The following GABRG3 variants were observed in gnomAD, a reference collection of about 807,000 sequenced individuals.
GABRG3 encodes the protein gamma-aminobutyric acid receptor subunit gamma-3.
GABRG3 carries 25 observed loss-of-function variants against 48.8 expected under a neutral mutation model. The ratio of observed to expected loss-of-function variants is 0.51; its 90% CI spans 0.37 to 0.72. The LOEUF (loss-of-function observed/expected upper bound fraction) is 0.72, where lower values mean the gene tolerates loss of function less well. GABRG3 is among the 30% of genes least tolerant of loss of function. The probability of loss-of-function intolerance (pLI) is 0.00; values close to 1 mark genes in which losing one functional copy is unlikely to be tolerated. For synonymous variants in GABRG3, 227 were observed against 217.6 expected, an observed-to-expected ratio of 1.04 and a Z score of -0.38; for missense variants, 394 against 577.9, an observed-to-expected ratio of 0.68 and a Z score of 3.26.
At position 27,181,263 on chromosome 15, in the gene GABRG3, A is replaced by G. The variant is rs1361238505; in HGVS notation, c.271-145546A>G. Among the ~76,000 whole-genome samples, 4 of 152,190 alleles carry G rather than the reference A, an allele frequency of 2.6e-5. No homozygotes were observed. The East Asian group carries it at 5.8e-4, about 22-fold the overall frequency. On this transcript the variant is annotated intron_variant, in intron 3 of 9. Transcript: ENST00000615808. ...ATCAATACTCCCCAGGCTGTCTCTC[A>G]TCAAACCCCAAAGTCCTTCATTCTA...
chr15:27,486,107 G>C (rs1890213004), intron 6 of GABRG3, among the ~76,000 whole-genome samples: 1 of 152,132 alleles, frequency 6.6e-6, no homozygotes, highest in Admixed American at 6.5e-5. Context: ...TTTGCAGTGG[G>C]CATACTTATG....
intron 3 of GABRG3, among the ~76,000 whole-genome samples, chr15:27,088,278 C>T (rs1460759361): frequency 6.8e-6 from 1 of 147,260 alleles, no homozygotes; most frequent in Non-Finnish European, 1.5e-5. Context: ...CGGGGGCGGG[C>T]GCGGGCCAGG....
At chr15:26,987,609 C>A (rs892760757) in intron 2 of GABRG3, among the ~76,000 whole-genome samples, 2 of 152,146 alleles carry the variant, frequency 1.3e-5, no homozygotes, top group African/African-American at 4.8e-5. Context: ...TCAGAACCGC[C>A]GGAAGAGCTG....
intron 7 of GABRG3, among the ~76,000 whole-genome samples, chr15:27,523,252 A>G (rs1891198960): frequency 6.6e-6 from 1 of 151,864 alleles, no homozygotes; most frequent in Non-Finnish European, 1.5e-5. Flanking sequence ...ATTTCATGTT[A>G]TTAGATAAAA....
chr15:27,411,571 T>A (rs1887799334), intron 5 of GABRG3, among the ~76,000 whole-genome samples: 1 of 152,254 alleles, frequency 6.6e-6, no homozygotes, highest in African/African-American at 2.4e-5. Context: ...AAGTTCTGAA[T>A]AATTTGATTT....
intron 2 of GABRG3, among the ~76,000 whole-genome samples, chr15:27,016,240 C>A (rs61211592): frequency 7.8e-5 from 11 of 140,722 alleles, no homozygotes; most frequent in East Asian, 2.0e-4. Context: ...TTCTTTCTTT[C>A]TTTTTTTTTT....
chr15:27,540,671 C>T lies in GABRG3; in HGVS notation c.*7790C>T, dbSNP rs1374187802. The stretch of plus-strand genomic sequence containing the variant: ...CTGCTCACACGTTTGTACAACTACA[C>T]AATGTGTTTTCCTTTACGTGCAGCT... On this transcript the variant is annotated 3_prime_UTR_variant, in exon 10 of 10. Coordinates refer to ENST00000615808, the MANE Select transcript of GABRG3 (RefSeq NM_033223.5). The T allele has an allele frequency of 1.3e-5, 2 of 152,220 alleles. No homozygotes were observed. The highest frequency in any genetic ancestry group is 2.9e-5 in the Non-Finnish European group (2 of 68,044). 9.4% of individuals were successfully genotyped at this position (152,220 alleles called of 1,614,324 possible).
At chr15:27,098,475 C>A in intron 3 of GABRG3, among the ~76,000 whole-genome samples, 1 of 152,080 alleles carries the variant, frequency 6.6e-6, no homozygotes, top group East Asian at 1.9e-4. Context: ...AACTGAATGT[C>A]AGTATCTCAG....
At chr15:27,273,448 A>G (rs1891152738) in intron 3 of GABRG3, among the ~76,000 whole-genome samples, 1 of 152,216 alleles carries the variant, frequency 6.6e-6, no homozygotes, top group African/African-American at 2.4e-5. Context: ...TTGATCCATC[A>G]CTACCAAGAC....
At chr15:27,275,210 G>T (rs1045100500) in intron 3 of GABRG3, among the ~76,000 whole-genome samples, 3 of 152,150 alleles carry the variant, frequency 2.0e-5, no homozygotes, top group Non-Finnish European at 4.4e-5. Flanking sequence ...AAGTAGATTT[G>T]CAGTCTATGC....
At chr15:27,078,780 T>TA (rs1487967737) in intron 3 of GABRG3, among the ~76,000 whole-genome samples, 4 of 152,316 alleles carry the variant, frequency 2.6e-5, no homozygotes, top group Admixed American at 1.3e-4. Flanking sequence ...GGCTGGCCAG[T>TA]AAAGTGGTCA....
chr15:27,031,091 C>CACAA (rs1555399444), intron 3 of GABRG3, among the ~76,000 whole-genome samples: 1 of 149,590 alleles, frequency 6.7e-6, no homozygotes, highest in Non-Finnish European at 1.5e-5. Context: ...CACACACATA[C>CACAA]AACACATAAC....
chr15:27,191,182 GAA>G lies in GABRG3; in HGVS notation c.271-135621_271-135620del, dbSNP rs1430837649. Among the ~76,000 whole-genome samples the G allele has an allele frequency of 2.0e-5, 3 of 152,252 alleles. No homozygotes were observed. In the East Asian group the frequency reaches 5.8e-4, roughly 29 times the overall value. On this transcript the variant is annotated intron_variant, in intron 3 of 9. Coordinates refer to ENST00000615808, the MANE Select transcript of GABRG3 (RefSeq NM_033223.5). ...AATTTTGGAATAGGTGTGTGGTGCTGAAAAAAATGTATATTCTGTTGATTTGG... is the reference window on the plus strand; with the variant it reads ...AATTTTGGAATAGGTGTGTGGTGCTGAAAAATGTATATTCTGTTGATTTGG...
intron 3 of GABRG3, among the ~76,000 whole-genome samples, chr15:27,113,307 G>T (rs1244533083): frequency 6.6e-6 from 1 of 151,868 alleles, no homozygotes; most frequent in Non-Finnish European, 1.5e-5. Flanking sequence ...TGTTGTTTTA[G>T]TTTCTGTTTT....
At chr15:27,469,723 C>G (rs1889727004) in intron 5 of GABRG3, among the ~76,000 whole-genome samples, 1 of 152,166 alleles carries the variant, frequency 6.6e-6, no homozygotes, top group South Asian at 2.1e-4. Context: ...TCTCACACAT[C>G]CTAGGTTTGG....
intron 5 of GABRG3, among the ~76,000 whole-genome samples, chr15:27,446,532 T>C (rs1281270248): frequency 6.6e-6 from 1 of 152,212 alleles, no homozygotes; most frequent in Non-Finnish European, 1.5e-5. Flanking sequence ...ACATTATCTA[T>C]ATGTTTTCAT....
At position 27,126,108 on chromosome 15, in the gene GABRG3, G is replaced by A. The variant is rs1001802086; in HGVS notation, c.270+99287G>A. 2.0e-5 allele frequency among the ~76,000 whole-genome samples: 3 copies of A among 151,702 alleles called. No homozygotes were observed. The East Asian group carries it at 5.8e-4, about 29-fold the overall frequency. On this transcript the variant is annotated intron_variant, in intron 3 of 9. Coordinates refer to ENST00000615808, the MANE Select transcript of GABRG3 (RefSeq NM_033223.5). The stretch of plus-strand genomic sequence containing the variant: ...GGAGATTGGAGAGACACAATCTCAC[G>A]TGCTTACAGCAACCAGCGGCATGAC...
intron 2 of GABRG3, among the ~76,000 whole-genome samples, chr15:27,024,742 A>C (rs1895954270): frequency 6.6e-6 from 1 of 152,160 alleles, no homozygotes; most frequent in East Asian, 1.9e-4. Flanking sequence ...AAGAGCATCT[A>C]CTGGCCGGGC....
intron 2 of GABRG3, among the ~76,000 whole-genome samples, chr15:27,006,080 C>T (rs1483321268): frequency 1.3e-5 from 2 of 152,156 alleles, no homozygotes; most frequent in Non-Finnish European, 2.9e-5. Context: ...TATTGACTCT[C>T]ATCTGGACCA....
Sources: allele counts gnomAD v4.1 joint callset (sites outside exome capture counted in the v4.1 genomes callset), GRCh38; gene constraint gnomAD v4.1.1; transcripts MANE v1.5; gene names NCBI Gene and HGNC (gene_info 2026-07-23, HGNC 2026-07-21).